SERPINB13: variants seen among roughly 807,000 people sequenced by gnomAD.
SERPINB13 encodes the protein serpin B13.
In SERPINB13, 26 loss-of-function variants were observed where a neutral mutation model predicts 31.2. The observed-to-expected ratio is 0.83, with a 90% CI of 0.61 to 1.15. The LOEUF (loss-of-function observed/expected upper bound fraction) is 1.15, where lower values mean the gene tolerates loss of function less well. Ranked by LOEUF, SERPINB13 falls within the 50% of genes most tolerant of loss-of-function variation. The pLI is 0.00. For synonymous variants in SERPINB13, 191 were observed against 172.4 expected (o/e 1.11, Z -0.85); for missense variants, 510 against 469.4 (o/e 1.09, Z -0.80).
rs1359858524 is a variant in SERPINB13, at chr18:63,591,694, A to C, written c.226-654A>C. On this transcript the variant is annotated intron_variant, in intron 3 of 7. Coordinates refer to ENST00000344731, the MANE Select transcript of SERPINB13 (RefSeq NM_012397.4). ...TACAAAATATTAATTTTCATGTATTATTTTTGCTGAAATATGTATCTTATA... is the reference window on the plus strand; with the variant it reads ...TACAAAATATTAATTTTCATGTATTCTTTTTGCTGAAATATGTATCTTATA... Among the ~76,000 whole-genome samples the C allele has an allele frequency of 3.3e-5, 5 of 152,114 alleles. No individual in the cohort carries two copies. In the East Asian group the frequency reaches 9.6e-4, roughly 29 times the overall value.
At position 63,597,507 on chromosome 18, in the gene SERPINB13, C is replaced by T. The variant is rs966674179; in HGVS notation, c.*144C>T. ...CCATCAAATCAATGATTTAATGACT[C>T]CAATAATGTGTGTGTTTATAACCAT... On this transcript the variant is annotated 3_prime_UTR_variant, in exon 8 of 8. Transcript: ENST00000344731. 1.4e-5 allele frequency: 12 copies of T among 837,556 alleles called. No individual in the cohort carries two copies. Among genetic ancestry groups the T allele is most frequent in the Non-Finnish European group, 2.0e-5 (11 of 543,566 alleles). 51.9% of individuals were successfully genotyped at this position (837,556 alleles called of 1,614,324 possible).
In SERPINB13 at chr18:63,597,519, G is replaced by T. The variant is rs1912259037; in HGVS notation, c.*156G>T. 3.8e-6 allele frequency: 3 copies of T among 791,480 alleles called. No homozygotes were observed. In the South Asian group the frequency reaches 5.6e-5, roughly 15 times the overall value. 49.0% of individuals were successfully genotyped at this position (791,480 alleles called of 1,614,324 possible). On this transcript the variant is annotated 3_prime_UTR_variant, in exon 8 of 8. Transcript: ENST00000344731. Reference sequence around the variant, plus strand: ...TGATTTAATGACTCCAATAATGTGTGTGTTTATAACCATCCTCGAAAGTGA... The same window carrying T: ...TGATTTAATGACTCCAATAATGTGTTTGTTTATAACCATCCTCGAAAGTGA...
intron 5 of SERPINB13, 194 bp from the exon 6 acceptor site, chr18:63,594,161 G>T: frequency 6.7e-7 from 1 of 1,493,530 alleles, no homozygotes. Context: ...TTTATCCACT[G>T]GGATAAATAG....
At chr18:63,595,759 C>A (rs886732844) in intron 7 of SERPINB13, among the ~76,000 whole-genome samples, 2 of 151,834 alleles carry the variant, frequency 1.3e-5, no homozygotes, top group Non-Finnish European at 2.9e-5. Flanking sequence ...ATTAGCCTGG[C>A]GTGGTTGTGG....
chr18:63,592,307 T>G, intron 3 of SERPINB13, 41 bp from the exon 4 acceptor site: 1 of 1,588,276 alleles, frequency 6.3e-7, no homozygotes, highest in Non-Finnish European at 8.6e-7. Flanking sequence ...GGGCTTGCTT[T>G]TGCCAAGATA....
chr18:63,591,722 T>C (rs1040374491), intron 3 of SERPINB13, among the ~76,000 whole-genome samples: 3 of 151,966 alleles, frequency 2.0e-5, no homozygotes, highest in Admixed American at 6.6e-5. Context: ...ATCTTATATA[T>C]TAATATGTAA....
At chr18:63,593,054 G>A in intron 5 of SERPINB13, 83 bp downstream of exon 5, 2 of 877,512 alleles carry the variant, frequency 2.3e-6, no homozygotes, top group Non-Finnish European at 3.7e-6. Context: ...ACAACCTGCT[G>A]TGAATGAAGC....
In SERPINB13 at chr18:63,588,765, G is replaced by T; in HGVS notation, c.98G>T (p.Gly33Val). The T allele has an allele frequency of 4.3e-6, 7 of 1,614,124 alleles. No individual in the cohort carries two copies. Among genetic ancestry groups the T allele is most frequent in the Non-Finnish European group, 5.9e-6 (7 of 1,180,004 alleles). ...NDGNIFFSPV[G>V]ILTAIGMVLL... is the part of the protein sequence containing the mutation. ...GGCAACATCTTCTTTTCCCCTGTGGGCATCTTGACTGCAATTGGCATGGTC... is the reference window on the plus strand; with the variant it reads ...GGCAACATCTTCTTTTCCCCTGTGGTCATCTTGACTGCAATTGGCATGGTC... The change falls in exon 2 of 8, where the codon GGC (glycine) becomes GTC (valine). Residue 33 changes from glycine (G) to valine (V), a missense_variant. By Grantham distance (109) the Gly-to-Val change is moderately radical. Transcript: ENST00000344731.
chr18:63,595,270 G>A, intron 7 of SERPINB13, 86 bp downstream of exon 7: 1 of 1,362,582 alleles, frequency 7.3e-7, no homozygotes, highest in Non-Finnish European at 1.0e-6. Flanking sequence ...GTGGCCAGCA[G>A]TGTCAAATAG....
chr18:63,592,651 C>T (rs1911923202), intron 4 of SERPINB13, among the ~76,000 whole-genome samples, 175 bp downstream of exon 4: 1 of 152,160 alleles, frequency 6.6e-6, no homozygotes, highest in South Asian at 2.1e-4. Flanking sequence ...TTAGTCCTGG[C>T]AATCTGAACC....
intron 4 of SERPINB13, 78 bp from the exon 5 acceptor site, chr18:63,592,776 T>A: frequency 1.0e-6 from 1 of 958,370 alleles, no homozygotes; most frequent in Non-Finnish European, 1.6e-6. Context: ...AATGTATACA[T>A]AAATTTATTT....
At chr18:63,593,674 C>T (rs560362865) in intron 5 of SERPINB13, among the ~76,000 whole-genome samples, 1 of 151,626 alleles carries the variant, frequency 6.6e-6, no homozygotes, top group Admixed American at 6.6e-5. Context: ...ATTTTTATAC[C>T]AATTATCAGA....
In SERPINB13 at chr18:63,588,890, G is replaced by C. The variant is rs961534984; in HGVS notation, c.165+58G>C. 40 of 1,552,678 alleles carry C rather than the reference G, an allele frequency of 2.6e-5. 1 individual carries two copies. In the East Asian group the frequency reaches 7.4e-4, roughly 29 times the overall value. On this transcript the variant is annotated intron_variant, in intron 2 of 7. Transcript: ENST00000344731. ...TATGCACAAATTCATTTGGCGGGGG[G>C]GTTGTCAGCCCTCTTGCATTATCTT...
At chr18:63,592,766 A>G in intron 4 of SERPINB13, 88 bp from the exon 5 acceptor site, 1 of 876,730 alleles carries the variant, frequency 1.1e-6, no homozygotes, top group African/African-American at 1.7e-5. Flanking sequence ...TAGTCATCCT[A>G]ATGTATACAT....
intron 7 of SERPINB13, 106 bp downstream of exon 7, chr18:63,595,290 C>A: frequency 8.5e-7 from 1 of 1,169,702 alleles, no homozygotes; most frequent in Non-Finnish European, 1.2e-6. Flanking sequence ...GAAAGTGTTT[C>A]TCACTCTCCA....
chr18:63,589,920 A>G, intron 3 of SERPINB13: 1 of 1,045,800 alleles, frequency 9.6e-7, no homozygotes, highest in East Asian at 2.7e-5. Context: ...CTTAATATTG[A>G]GAAGAGACCT....
rs908487454 is a variant in SERPINB13 at position 63,598,033 on chromosome 18, A to C, written c.*670A>C. On this transcript the variant is annotated 3_prime_UTR_variant, in exon 8 of 8. Transcript: ENST00000344731. Reference sequence around the variant, plus strand: ...AGTTGATCAGTATTCCTCCTCTATCACCTTTTTAGACTTTGTAAGGTAAAT... The same window carrying C: ...AGTTGATCAGTATTCCTCCTCTATCCCCTTTTTAGACTTTGTAAGGTAAAT... The C allele has an allele frequency of 3.3e-5, 5 of 151,904 alleles. No homozygotes were observed. The highest frequency in any genetic ancestry group is 6.6e-5 in the Admixed American group (1 of 15,240). The allele number at this position is 151,904 out of a possible 1,614,324, so 9.4% of individuals were successfully genotyped here.
At chr18:63,591,008 T>C (rs189612914) in intron 3 of SERPINB13, among the ~76,000 whole-genome samples, 4 of 152,292 alleles carry the variant, frequency 2.6e-5, no homozygotes, top group East Asian at 1.9e-4. Context: ...TCAAGACATA[T>C]GTACAAAAGG....
At chr18:63,595,248 G>A in intron 7 of SERPINB13, 64 bp downstream of exon 7, 1 of 1,513,908 alleles carries the variant, frequency 6.6e-7, no homozygotes, top group South Asian at 1.3e-5. Context: ...CAGGGCTTCT[G>A]AGTAGGAGCT....
Sources: allele counts gnomAD v4.1 joint callset (sites outside exome capture counted in the v4.1 genomes callset), GRCh38; gene constraint gnomAD v4.1.1; transcripts MANE v1.5; gene names NCBI Gene and HGNC (gene_info 2026-07-23, HGNC 2026-07-21).